Variants in CEP70 observed in about 807,000 individuals in gnomAD.
CEP70 encodes the protein centrosomal protein of 70 kDa.
CEP70 carries 70 observed loss-of-function variants against 90.9 expected under a neutral mutation model. The observed-to-expected ratio is 0.77, with a 90% CI of 0.64 to 0.94. The LOEUF is 0.94. CEP70 is among the 40% of genes least tolerant of loss of function. The pLI is 0.00. For synonymous variants in CEP70, 220 were observed against 228.3 expected, an observed-to-expected ratio of 0.96 and a Z score of 0.33; for missense variants, 648 against 669.0, an observed-to-expected ratio of 0.97 and a Z score of 0.35.
chr3:138,580,353 G>A (rs759180530), intron 2 of CEP70, among the ~76,000 whole-genome samples: 2 of 152,246 alleles, frequency 1.3e-5, no homozygotes, highest in Non-Finnish European at 2.9e-5. Flanking sequence ...GAAAGCAAGG[G>A]AAGACAAGAG....
chr3:138,501,888 T>G (rs745349977), intron 13 of CEP70, among the ~76,000 whole-genome samples: 1 of 152,208 alleles, frequency 6.6e-6, no homozygotes, highest in Non-Finnish European at 1.5e-5. Context: ...TTTCGGATTT[T>G]TGGATCAGTG....
intron 2 of CEP70, among the ~76,000 whole-genome samples, chr3:138,585,988 T>C (rs2042087196): frequency 6.6e-6 from 1 of 152,066 alleles, no homozygotes; most frequent in Non-Finnish European, 1.5e-5. Context: ...TCTTGAGTAA[T>C]ATACCACAAG....
chr3:138,536,533 T>C (rs756846634), intron 7 of CEP70, among the ~76,000 whole-genome samples: 1 of 152,038 alleles, frequency 6.6e-6, no homozygotes, highest in Non-Finnish European at 1.5e-5. Flanking sequence ...AATATATTAA[T>C]ATCAAAGAAA....
intron 6 of CEP70, among the ~76,000 whole-genome samples, chr3:138,538,925 T>C (rs1233361467): frequency 6.6e-6 from 1 of 152,224 alleles, no homozygotes; most frequent in Non-Finnish European, 1.5e-5. Flanking sequence ...GTTCAAAGTA[T>C]AGTCTTATAA....
Position 138,497,682 on chromosome 3 carries a change from G to GA in CEP70, c.1732+348dup, listed in dbSNP as rs199502529. 1,912 of 962,646 alleles carry GA rather than the reference G, an allele frequency of 2.0e-3. 20 individuals are homozygous for GA. The African/African-American group carries it at 0.026, about 13-fold the overall frequency. The allele number at this position is 962,646 out of a possible 1,614,324, so 59.6% of individuals were successfully genotyped here. ...ATTTTGTAGATAGGTGGTATCTTAA[G>GA]AAAAAAAAAGGAGGGAGGAAGGACC... is the stretch of plus-strand genomic sequence containing the variant. On this transcript the variant is annotated intron_variant, in intron 17 of 17. Coordinates refer to ENST00000264982, the MANE Select transcript of CEP70 (RefSeq NM_024491.4).
At chr3:138,495,798 G>T in intron 17 of CEP70, 1 of 772,512 alleles carries the variant, frequency 1.3e-6, no homozygotes, top group Non-Finnish European at 1.6e-6. Flanking sequence ...GTTGCAGTGA[G>T]CTGAGATTGC....
At chr3:138,586,250 C>G (rs924344906) in intron 2 of CEP70, among the ~76,000 whole-genome samples, 1 of 152,144 alleles carries the variant, frequency 6.6e-6, no homozygotes, top group African/African-American at 2.4e-5. Context: ...CTCTGCCTCC[C>G]AGGTTCAAGC....
rs547851546 is a variant in CEP70 at position 138,533,077 on chromosome 3, C to T, written c.636-507G>A. Among the ~76,000 whole-genome samples the T allele has an allele frequency of 3.2e-4, 48 of 152,156 alleles. No individual in the cohort carries two copies. The South Asian group carries it at 7.7e-3, about 24-fold the overall frequency. On this transcript the variant is annotated intron_variant, in intron 7 of 17. Transcript: ENST00000264982. ...CAGGCGGATCACAAGGTCAGCAGTT[C>T]GAGACTATCCTGGCCAACATGGTGA... is the stretch of plus-strand genomic sequence containing the variant.
At chr3:138,510,050 GAT>G (rs2035373706) in intron 11 of CEP70, among the ~76,000 whole-genome samples, 1 of 152,152 alleles carries the variant, frequency 6.6e-6, no homozygotes, top group South Asian at 2.1e-4. Flanking sequence ...AGGTTGCTAA[GAT>G]ATACAGTGAG....
chr3:138,590,377 T>G (rs1360946877), intron 2 of CEP70, among the ~76,000 whole-genome samples: 1 of 152,130 alleles, frequency 6.6e-6, no homozygotes, highest in African/African-American at 2.4e-5. Context: ...TTTTAACATG[T>G]GTGTCTATAG....
chr3:138,557,053 A>G (rs1180064645), intron 6 of CEP70, among the ~76,000 whole-genome samples: 1 of 152,154 alleles, frequency 6.6e-6, no homozygotes, highest in Non-Finnish European at 1.5e-5. Context: ...CGACCATAGA[A>G]GACAGCCACA....
chr3:138,557,191 T>G (rs2108010649), intron 6 of CEP70, among the ~76,000 whole-genome samples: 1 of 152,372 alleles, frequency 6.6e-6, no homozygotes, highest in South Asian at 2.1e-4. Flanking sequence ...AATATGGCTC[T>G]GTTCCGCCCA....
rs576994656 is a variant in CEP70 at position 138,501,295 on chromosome 3, T to A, written c.1222-414A>T. On this transcript the variant is annotated intron_variant, in intron 13 of 17. Transcript: ENST00000264982. ...TATAACAGCTTTATTGAGATGTAAT[T>A]CATATACCATAAAATTTACCCTAAG... Among the ~76,000 whole-genome samples the A allele has an allele frequency of 9.5e-4, 145 of 152,300 alleles. 6 individuals are homozygous for A. In the South Asian group the frequency reaches 0.03, roughly 31 times the overall value.
At chr3:138,549,639 G>A (rs1343485814) in intron 6 of CEP70, among the ~76,000 whole-genome samples, 1 of 152,068 alleles carries the variant, frequency 6.6e-6, no homozygotes, top group Non-Finnish European at 1.5e-5. Context: ...TCTGGTAGCT[G>A]AAGACAAAGA....
intron 11 of CEP70, 47 bp from the exon 12 acceptor site, chr3:138,508,591 C>T (rs1290371111): frequency 8.5e-7 from 1 of 1,175,822 alleles, no homozygotes; most frequent in South Asian, 1.2e-5. Context: ...ACTTCCTAGA[C>T]ACTGGACCAA....
chr3:138,516,267 C>A (rs957715138), intron 11 of CEP70, among the ~76,000 whole-genome samples: 2 of 152,118 alleles, frequency 1.3e-5, no homozygotes, highest in African/African-American at 4.8e-5. Flanking sequence ...ACTGTAAGTA[C>A]ACAAAATATC....
At chr3:138,512,030 A>C (rs1047748739) in intron 11 of CEP70, among the ~76,000 whole-genome samples, 2 of 152,210 alleles carry the variant, frequency 1.3e-5, no homozygotes, top group Non-Finnish European at 1.5e-5. Context: ...CTCAGGAGTT[A>C]AGTTGGACAG....
chr3:138,584,862 C>T (rs2042035425), intron 2 of CEP70, among the ~76,000 whole-genome samples: 1 of 151,874 alleles, frequency 6.6e-6, no homozygotes, highest in South Asian at 2.1e-4. Context: ...TCGGGAAAAA[C>T]TGAAAGCCTT....
At chr3:138,579,497 A>C (rs1410007700) in intron 2 of CEP70, among the ~76,000 whole-genome samples, 5 of 151,504 alleles carry the variant, frequency 3.3e-5, no homozygotes, top group African/African-American at 4.9e-5. Flanking sequence ...AGTAAAGAGG[A>C]CTTTGTCTTG....
Sources: gnomAD v4.1 joint callset for allele counts (sites outside exome capture counted in the v4.1 genomes callset) on GRCh38, gnomAD v4.1.1 for gene constraint, MANE v1.5 for transcripts, NCBI Gene and HGNC (gene_info 2026-07-23, HGNC 2026-07-21) for gene names.